The following LINGO2 variants were observed in gnomAD, a reference collection of about 807,000 sequenced individuals.
LINGO2 encodes the protein leucine-rich repeat and immunoglobulin-like domain-containing nogo receptor-interacting protein 2.
In LINGO2, 14 loss-of-function variants were observed where a neutral mutation model predicts 30.6. The ratio of observed to expected loss-of-function variants is 0.46; its 90% CI spans 0.30 to 0.72. LINGO2 has a LOEUF of 0.72. LINGO2 is among the 30% of genes least tolerant of loss of function. The pLI is 0.07. For missense variants in LINGO2, 729 were observed against 751.7 expected (o/e 0.97, Z 0.35); for synonymous variants, 317 against 288.5 (o/e 1.10, Z -1.00).
chr9:28,465,783 G>C (rs1233882630), intron 2 of LINGO2, among the ~76,000 whole-genome samples: 1 of 152,040 alleles, frequency 6.6e-6, no homozygotes, highest in Non-Finnish European at 1.5e-5. Context: ...GAATAATCCA[G>C]TCAAAAATGG....
At chr9:28,292,722 C>G (rs1823775927) in intron 4 of LINGO2, among the ~76,000 whole-genome samples, 1 of 151,736 alleles carries the variant, frequency 6.6e-6, no homozygotes, top group Non-Finnish European at 1.5e-5. Context: ...CCTAGGTCTC[C>G]CAAAGTGCTA....
intron 2 of LINGO2, among the ~76,000 whole-genome samples, chr9:28,393,258 G>C (rs1821907630): frequency 6.6e-6 from 1 of 152,244 alleles, no homozygotes; most frequent in Non-Finnish European, 1.5e-5. Flanking sequence ...CCCTCATGGA[G>C]ATCCAGTTCT....
intron 1 of LINGO2, among the ~76,000 whole-genome samples, chr9:28,627,025 A>AT (rs888031595): frequency 6.6e-5 from 10 of 151,222 alleles, no homozygotes; most frequent in East Asian, 3.9e-4. Flanking sequence ...ATTTCTAGTA[A>AT]TTTTTTTTAA....
the LINGO2 span, among the ~76,000 whole-genome samples, chr9:29,197,258 G>A: frequency 3.9e-4 from 59 of 152,076 alleles, no homozygotes; most frequent in Middle Eastern, 0.02. Context: ...TTATAGGATA[G>A]CCCAGCTTGG....
Position 28,244,490 on chromosome 9 carries a change from C to A in LINGO2, c.-87+50718G>T, listed in dbSNP as rs1821926094. Among the ~76,000 whole-genome samples the A allele has an allele frequency of 2.0e-5, 3 of 152,030 alleles. No individual in the cohort carries two copies. In the South Asian group the frequency reaches 6.2e-4, roughly 32 times the overall value. On this transcript the variant is annotated intron_variant, in intron 4 of 5. Transcript: ENST00000379992. The stretch of plus-strand genomic sequence containing the variant: ...CTGAAGGAGACAGAGAAACAAAAAA[C>A]CCTTCAAAAAATTAGTGAATCCAGG...
At chr9:28,168,224 A>G (rs1479001395) in intron 4 of LINGO2, among the ~76,000 whole-genome samples, 1 of 152,202 alleles carries the variant, frequency 6.6e-6, no homozygotes, top group Non-Finnish European at 1.5e-5. Flanking sequence ...CGGATATTTT[A>G]GGTCCATTAG....
chr9:28,282,219 T>A (rs563021471), intron 4 of LINGO2, among the ~76,000 whole-genome samples: 1 of 152,230 alleles, frequency 6.6e-6, no homozygotes, highest in East Asian at 1.9e-4. Context: ...AAATGCATCA[T>A]GTTGACTAGA....
chr9:28,127,935 A>G (rs549716039), intron 4 of LINGO2, among the ~76,000 whole-genome samples: 1 of 152,318 alleles, frequency 6.6e-6, no homozygotes, highest in South Asian at 2.1e-4. Flanking sequence ...AAGAAAATGG[A>G]AATTCTTCAA....
the LINGO2 span, among the ~76,000 whole-genome samples, chr9:28,975,912 G>A: frequency 6.6e-6 from 1 of 152,144 alleles, no homozygotes; most frequent in Non-Finnish European, 1.5e-5. Context: ...GATTACTTAA[G>A]TAACTGTAAG....
chr9:27,992,143 G>C (rs1452234363), intron 5 of LINGO2, among the ~76,000 whole-genome samples: 1 of 151,850 alleles, frequency 6.6e-6, no homozygotes, highest in Non-Finnish European at 1.5e-5. Flanking sequence ...CTCACCATCA[G>C]GTTGATGAAT....
At chr9:28,012,529 A>G (rs931261196) in intron 4 of LINGO2, 2 of 152,182 alleles carry the variant, frequency 1.3e-5, no homozygotes, top group African/African-American at 4.8e-5. Context: ...GAGGAGTGCA[A>G]TGCTAATCAT....
chr9:29,160,760 C>A, the LINGO2 span, among the ~76,000 whole-genome samples: 1 of 152,160 alleles, frequency 6.6e-6, no homozygotes, highest in Non-Finnish European at 1.5e-5. Flanking sequence ...AACACAGATT[C>A]TTTGAAGAAA....
intron 4 of LINGO2, among the ~76,000 whole-genome samples, chr9:28,178,224 C>T (rs1828801726): frequency 6.6e-6 from 1 of 152,040 alleles, no homozygotes. Context: ...ACCCGCAGCT[C>T]CCACAGTGTT....
chr9:28,699,091 G>T, the LINGO2 span, among the ~76,000 whole-genome samples: 1 of 147,192 alleles, frequency 6.8e-6, no homozygotes, highest in Non-Finnish European at 1.5e-5. Flanking sequence ...CACCGAACTG[G>T]TACAATTACT....
At chr9:28,397,995 C>T (rs1822121978) in intron 2 of LINGO2, among the ~76,000 whole-genome samples, 2 of 152,170 alleles carry the variant, frequency 1.3e-5, no homozygotes, top group South Asian at 4.1e-4. Context: ...CATTTACGTT[C>T]AGTAGCAAAA....
At chr9:28,470,453 C>T (rs1335502464) in intron 2 of LINGO2, among the ~76,000 whole-genome samples, 2 of 152,114 alleles carry the variant, frequency 1.3e-5, no homozygotes, top group Admixed American at 6.6e-5. Flanking sequence ...TTACATAGCT[C>T]GCCAGAGGAA....
intron 1 of LINGO2, among the ~76,000 whole-genome samples, chr9:28,478,580 G>A (rs973778245): frequency 2.0e-5 from 3 of 152,048 alleles, no homozygotes; most frequent in African/African-American, 7.2e-5. Context: ...ATTCTTGAAT[G>A]ATTCCTATTG....
chr9:28,091,579 C>T (rs1267547036), intron 4 of LINGO2, among the ~76,000 whole-genome samples: 1 of 152,090 alleles, frequency 6.6e-6, no homozygotes, highest in African/African-American at 2.4e-5. Context: ...AAATGTTAGA[C>T]CTAAAACCAT....
chr9:28,972,076 C>A, the LINGO2 span, among the ~76,000 whole-genome samples: 1 of 152,330 alleles, frequency 6.6e-6, no homozygotes, highest in Non-Finnish European at 1.5e-5. Context: ...CTGCAAGAAC[C>A]ACAGCATTAC....
Sources: gnomAD v4.1 joint callset for allele counts (sites outside exome capture counted in the v4.1 genomes callset) on GRCh38, gnomAD v4.1.1 for gene constraint, MANE v1.5 for transcripts, NCBI Gene and HGNC (gene_info 2026-07-23, HGNC 2026-07-21) for gene names.